Variants in ACACA observed in about 807,000 individuals in gnomAD.
ACACA encodes acetyl-CoA carboxylase alpha.
ACACA carries 103 observed loss-of-function variants against 296.1 expected under a neutral mutation model. The ratio of observed to expected loss-of-function variants is 0.35; its 90% CI spans 0.30 to 0.41. ACACA has a LOEUF of 0.41. Among genes scored for constraint, ACACA ranks in the 10% least tolerant of loss-of-function variants. The probability of loss-of-function intolerance (pLI) is 1.00; values close to 1 mark genes in which losing one functional copy is unlikely to be tolerated. For synonymous variants in ACACA, 953 were observed against 1,038.6 expected (o/e 0.92, Z 1.58); for missense variants, 1,554 against 2,989.7 (o/e 0.52, Z 11.20).
At chr17:37,176,213 T>G (rs1223645497) in intron 41 of ACACA, among the ~76,000 whole-genome samples, 2 of 152,160 alleles carry the variant, frequency 1.3e-5, no homozygotes, top group Non-Finnish European at 2.9e-5. Flanking sequence ...AATCTCTCAT[T>G]TTACCCTTAC....
intron 3 of ACACA, among the ~76,000 whole-genome samples, chr17:37,287,813 G>C (rs2082858577): frequency 6.6e-6 from 1 of 150,906 alleles, no homozygotes; most frequent in African/African-American, 2.4e-5. Context: ...TTGCCTACTA[G>C]ACTTAAGGAC....
intron 1 of ACACA, among the ~76,000 whole-genome samples, chr17:37,401,402 C>T (rs1157283136): frequency 2.6e-5 from 4 of 151,340 alleles, no homozygotes; most frequent in South Asian, 4.2e-4. Flanking sequence ...CAGGTTGGCC[C>T]GGCTGGTCTC....
chr17:37,159,703 T>A (rs2076389042), intron 42 of ACACA, among the ~76,000 whole-genome samples: 1 of 152,226 alleles, frequency 6.6e-6, no homozygotes, highest in Non-Finnish European at 1.5e-5. Context: ...TTCATCAGTT[T>A]TAAGTGTTAT....
At chr17:37,261,431 G>A (rs909775795) in intron 11 of ACACA, among the ~76,000 whole-genome samples, 1 of 152,202 alleles carries the variant, frequency 6.6e-6, no homozygotes, top group African/African-American at 2.4e-5. Flanking sequence ...TAGCCCAGAA[G>A]CTTAGTTAAG....
At chr17:37,275,495 CAAAAAAAAAAAA>C (rs34064045) in intron 8 of ACACA, among the ~76,000 whole-genome samples, 1 of 61,658 alleles carries the variant, frequency 1.6e-5, no homozygotes, top group Admixed American at 1.8e-4. Context: ...GACTCCAACT[CAAAAAAAAAAAA>C]AAAAAAGAAA....
chr17:37,301,442 A>G, intron 3 of ACACA: 1 of 982,188 alleles, frequency 1.0e-6, no homozygotes, highest in Non-Finnish European at 1.2e-6. Context: ...CCAAACACCA[A>G]GGATGACGTA....
intron 3 of ACACA, among the ~76,000 whole-genome samples, chr17:37,313,745 A>G (rs2046953172): frequency 6.6e-6 from 1 of 152,202 alleles, no homozygotes; most frequent in South Asian, 2.1e-4. Flanking sequence ...ATAAATTAAA[A>G]CACAATGGGA....
chr17:37,208,107 T>C (rs2078588814), intron 30 of ACACA, among the ~76,000 whole-genome samples: 1 of 152,168 alleles, frequency 6.6e-6, no homozygotes, highest in East Asian at 1.9e-4. Flanking sequence ...AATGAATGAA[T>C]AGCACATAGG....
intron 41 of ACACA, among the ~76,000 whole-genome samples, chr17:37,174,020 A>ATATTTTTTTTT (rs552735515): frequency 3.6e-4 from 6 of 16,796 alleles, no homozygotes; most frequent in South Asian, 3.9e-3. Context: ...ATATATATAT[A>ATATTTTTTTTT]TTTTTTTTTT....
At chr17:37,141,749 T>A (rs1427983547) in intron 45 of ACACA, among the ~76,000 whole-genome samples, 1 of 151,922 alleles carries the variant, frequency 6.6e-6, no homozygotes, top group Admixed American at 6.5e-5. Flanking sequence ...TGGAGTGCAA[T>A]GGTGCAATCT....
rs139408980 is a variant in ACACA at position 37,314,716 on chromosome 17, C to T, written c.338+15457G>A. ...AGTACAGTGGCACAATCTTGGCTCACAGCAACCTCCGCCTTCTGGGTTCAA... is the reference window on the plus strand; with the variant it reads ...AGTACAGTGGCACAATCTTGGCTCATAGCAACCTCCGCCTTCTGGGTTCAA... On this transcript the variant is annotated intron_variant, in intron 3 of 55. Coordinates refer to ENST00000616317, the MANE Select transcript of ACACA (RefSeq NM_198834.3). Among the ~76,000 whole-genome samples the T allele has an allele frequency of 2.0e-3, 296 of 147,568 alleles. 2 individuals carry two copies. Among genetic ancestry groups the T allele is most frequent in the South Asian group, 0.016 (73 of 4,574 alleles).
chr17:37,197,831 A>T (rs1320730692), intron 35 of ACACA, among the ~76,000 whole-genome samples: 1 of 152,256 alleles, frequency 6.6e-6, no homozygotes, highest in Non-Finnish European at 1.5e-5. Flanking sequence ...CTGCCATTCA[A>T]TTCTTCAGAG....
At chr17:37,178,418 G>A (rs1782117603) in intron 41 of ACACA, among the ~76,000 whole-genome samples, 1 of 152,172 alleles carries the variant, frequency 6.6e-6, no homozygotes, top group Non-Finnish European at 1.5e-5. Flanking sequence ...CAGATCAAAT[G>A]AATTGAGCAT....
chr17:37,243,142 T>C (rs898604246), intron 22 of ACACA, among the ~76,000 whole-genome samples: 1 of 152,188 alleles, frequency 6.6e-6, no homozygotes, highest in African/African-American at 2.4e-5. Context: ...AGCTATAAGG[T>C]ATACATGATC....
At chr17:37,302,000 A>G (rs1343243056) in intron 3 of ACACA, among the ~76,000 whole-genome samples, 4 of 150,888 alleles carry the variant, frequency 2.7e-5, no homozygotes, top group Non-Finnish European at 4.4e-5. Flanking sequence ...TTCTTTTTTG[A>G]GATGGAGTCT....
intron 41 of ACACA, among the ~76,000 whole-genome samples, chr17:37,174,020 ATTTTTTTTTT>A (rs71159693): frequency 6.0e-5 from 1 of 16,794 alleles, no homozygotes; most frequent in Non-Finnish European, 9.9e-5. Context: ...ATATATATAT[ATTTTTTTTTT>A]TTTTTTTTTT....
chr17:37,207,020 G>T, intron 31 of ACACA, 141 bp from the exon 32 acceptor site: 1 of 780,554 alleles, frequency 1.3e-6, no homozygotes. Context: ...AGTGGCTAGA[G>T]GTGACATGCA....
chr17:37,384,677 A>G (rs1044506804), intron 1 of ACACA, among the ~76,000 whole-genome samples: 3 of 152,136 alleles, frequency 2.0e-5, no homozygotes, highest in Non-Finnish European at 4.4e-5. Context: ...GACTAGCACT[A>G]TGATGAAAAT....
rs755510559 is a variant in ACACA, at chr17:37,243,496, A to G, written c.2806T>C (p.Leu936=). Residue 936 remains leucine (L), a synonymous_variant, in exon 22 of 56, where the codon TTG becomes CTG. Transcript: ENST00000616317. ...LRDPSLPLLE[L]QDIMTSVSGR... ...GACACACTGGTCATAATATCTTGCA[A>G]TTCTAGGAGAGGCAGGGAGGGATCT... The G allele has an allele frequency of 6.2e-7, 1 of 1,614,132 alleles. No homozygotes were observed. The highest frequency in any genetic ancestry group is 1.1e-5 in the South Asian group (1 of 91,072).
Sources: gnomAD v4.1 joint callset for allele counts (sites outside exome capture counted in the v4.1 genomes callset) on GRCh38, gnomAD v4.1.1 for gene constraint, MANE v1.5 for transcripts, NCBI Gene and HGNC (gene_info 2026-07-23, HGNC 2026-07-21) for gene names.